Variants in CNIH1 observed in about 807,000 individuals in gnomAD.
CNIH1 encodes the protein cornichon family member 1, also known as protein cornichon homolog 1.
In CNIH1, 12 loss-of-function variants were observed where a neutral mutation model predicts 20.2. That is an observed-to-expected ratio of 0.59 (90% CI 0.38 to 0.96). The LOEUF (loss-of-function observed/expected upper bound fraction) is 0.96. CNIH1 is among the 40% of genes least tolerant of loss of function. The pLI is 0.00. For missense variants in CNIH1, 152 were observed against 178.8 expected, an observed-to-expected ratio of 0.85 and a Z score of 0.85; for synonymous variants, 69 against 63.3, an observed-to-expected ratio of 1.09 and a Z score of -0.43.
intron 4 of CNIH1, chr14:54,430,051 CCTT>C (rs2030903474): frequency 1.9e-6 from 1 of 536,230 alleles, no homozygotes; most frequent in African/African-American, 1.9e-5. Context: ...CCTGACCAAA[CCTT>C]CTGCCTCTGA....
At chr14:54,429,241 G>A (rs1012889454) in intron 4 of CNIH1, among the ~76,000 whole-genome samples, 2 of 152,188 alleles carry the variant, frequency 1.3e-5, no homozygotes, top group African/African-American at 4.8e-5. Context: ...GGGCAATTTT[G>A]CCCCTCAGGA....
Position 54,441,254 on chromosome 14 carries a change from A to G in CNIH1, c.74T>C (p.Ile25Thr). ...CCAGCCCCAGCTACTCACGTGCCAA[A>G]TGGCGAAGAAGATGAGCGCGGCAGT... ...LLTAALIFFAIWHIIAFDELK... is the reference protein window; with the variant it reads ...LLTAALIFFATWHIIAFDELK... The change falls in exon 1 of 5, where the codon ATT becomes ACT. Residue 25 changes from isoleucine (I) to threonine (T), a missense_variant. Ile to Thr is a moderately conservative substitution (Grantham distance 89). Coordinates refer to ENST00000216416, the MANE Select transcript of CNIH1 (RefSeq NM_005776.3). 1 of 1,517,320 alleles carries G rather than the reference A, an allele frequency of 6.6e-7. No individual in the cohort carries two copies. Among genetic ancestry groups the G allele is most frequent in the South Asian group, 1.2e-5 (1 of 80,968 alleles). The allele number at this position is 1,517,320 out of a possible 1,614,324, so 94.0% of individuals were successfully genotyped here.
chr14:54,431,970 C>T, intron 3 of CNIH1, 138 bp downstream of exon 3: 1 of 436,304 alleles, frequency 2.3e-6, no homozygotes, highest in Non-Finnish European at 4.1e-6. Context: ...TTTTGTTCAC[C>T]CACTTGATTT....
Position 54,427,682 on chromosome 14 carries a change from TAAG to T in CNIH1, c.*129_*131del, listed in dbSNP as rs2030852764. 3.4e-6 allele frequency: 3 copies of T among 885,242 alleles called. No individual in the cohort carries two copies. Among genetic ancestry groups the T allele is most frequent in the South Asian group, 1.6e-5 (1 of 63,100 alleles). The allele number at this position is 885,242 out of a possible 1,614,324, so 54.8% of individuals were successfully genotyped here. ...CAAAAATGTGGAAACATTTAAAAAA[TAAG>T]GAGTCATTTTTTAAAGTAACTGATC... is the stretch of plus-strand genomic sequence containing the variant. On this transcript the variant is annotated 3_prime_UTR_variant, in exon 5 of 5. Transcript: ENST00000216416.
Position 54,430,530 on chromosome 14 carries a change from T to A in CNIH1, c.264-126A>T, listed in dbSNP as rs571161898. On this transcript the variant is annotated intron_variant, in intron 3 of 4. Transcript: ENST00000216416. ...ATAAAGGGAAGCATTCTTTTACTTA[T>A]GGGTAAAATGCTTTCCTTTTACCAT... The A allele has an allele frequency of 2.2e-4, 190 of 846,978 alleles. 1 individual carries two copies. In the East Asian group the frequency reaches 4.8e-3, roughly 22 times the overall value. The allele number at this position is 846,978 out of a possible 1,614,324, so 52.5% of individuals were successfully genotyped here. A position where few individuals can be genotyped will look rare whatever the true frequency, so the allele number is the denominator to read the frequency against.
chr14:54,434,225 C>A (rs896386632), intron 2 of CNIH1, among the ~76,000 whole-genome samples: 1 of 152,186 alleles, frequency 6.6e-6, no homozygotes, highest in Admixed American at 6.5e-5. Context: ...TGCTATTCAG[C>A]CAATTATTGG....
At chr14:54,427,886 T>TAA in intron 4 of CNIH1, 45 bp from the exon 5 acceptor site, 1 of 1,578,222 alleles carries the variant, frequency 6.3e-7, no homozygotes, top group Non-Finnish European at 8.7e-7. Flanking sequence ...TACTAATTAT[T>TAA]AAAAAAAAAC....
rs1178621831 is a variant in CNIH1, at chr14:54,427,675, T to C, written c.*139A>G. On this transcript the variant is annotated 3_prime_UTR_variant, in exon 5 of 5. Coordinates refer to ENST00000216416, the MANE Select transcript of CNIH1 (RefSeq NM_005776.3). ...CCACAAGCAAAAATGTGGAAACATT[T>C]AAAAAATAAGGAGTCATTTTTTAAA... 1 of 851,626 alleles carries C rather than the reference T, an allele frequency of 1.2e-6. No individual in the cohort carries two copies. Among genetic ancestry groups the C allele is most frequent in the East Asian group, 2.5e-5 (1 of 40,732 alleles). 52.8% of individuals were successfully genotyped at this position (851,626 alleles called of 1,614,324 possible).
intron 1 of CNIH1, among the ~76,000 whole-genome samples, chr14:54,440,412 G>A (rs1381233377): frequency 1.3e-5 from 2 of 152,160 alleles, no homozygotes; most frequent in African/African-American, 4.8e-5. Context: ...ATGTCACAGG[G>A]AACTTACGAC....
intron 3 of CNIH1, 21 bp from the exon 4 acceptor site, chr14:54,430,425 T>A: frequency 6.3e-7 from 1 of 1,591,954 alleles, no homozygotes; most frequent in Non-Finnish European, 8.6e-7. Flanking sequence ...CACAGTCTAT[T>A]AGGCATTCAG....
intron 1 of CNIH1, among the ~76,000 whole-genome samples, chr14:54,439,359 T>C (rs2031120039): frequency 6.6e-6 from 1 of 152,096 alleles, no homozygotes; most frequent in South Asian, 2.1e-4. Flanking sequence ...AAGCTGAAAT[T>C]ACCCATTTTT....
chr14:54,429,332 G>A lies in CNIH1; in HGVS notation c.407+929C>T, dbSNP rs187209070. Reference sequence around the variant, plus strand: ...CATGGCAACTAGTGGGTAAAGGCCAGGGATGCTGCTGAACGTCCCATGATA... The same window carrying A: ...CATGGCAACTAGTGGGTAAAGGCCAAGGATGCTGCTGAACGTCCCATGATA... On this transcript the variant is annotated intron_variant, in intron 4 of 4. Transcript: ENST00000216416. Among the ~76,000 whole-genome samples the A allele has an allele frequency of 2.6e-5, 4 of 152,310 alleles. No homozygotes were observed. In the East Asian group the frequency reaches 7.7e-4, roughly 29 times the overall value.
intron 1 of CNIH1, among the ~76,000 whole-genome samples, chr14:54,437,759 G>A (rs1235105458): frequency 1.3e-5 from 2 of 151,924 alleles, no homozygotes; most frequent in Non-Finnish European, 2.9e-5. Context: ...ACATACATGT[G>A]TAATTAGAAA....
intron 3 of CNIH1, among the ~76,000 whole-genome samples, chr14:54,431,879 G>A (rs138762119): frequency 2.5e-4 from 38 of 152,200 alleles, no homozygotes; most frequent in Non-Finnish European, 4.3e-4. Flanking sequence ...TCAGACTTGT[G>A]CACAACACTA....
intron 4 of CNIH1, among the ~76,000 whole-genome samples, chr14:54,429,750 C>T (rs778722518): frequency 2.0e-5 from 3 of 151,302 alleles, no homozygotes; most frequent in Non-Finnish European, 2.9e-5. Context: ...ACAGAGACTC[C>T]GACTCAAAAA....
chr14:54,440,052 A>G (rs1310731260), intron 1 of CNIH1, among the ~76,000 whole-genome samples: 1 of 152,234 alleles, frequency 6.6e-6, no homozygotes, highest in East Asian at 1.9e-4. Flanking sequence ...ATAAGCAGTC[A>G]GGTCCTAAAA....
rs1310205551 is a variant in CNIH1 at position 54,426,865 on chromosome 14, CT to C, written c.*948del. On this transcript the variant is annotated 3_prime_UTR_variant, in exon 5 of 5. Transcript: ENST00000216416. ...CTTTTTAAAAATGACAGCAACATGT[CT>C]TTATCATGGATTAAGCAAGTTTAAG... 4.6e-5 allele frequency: 7 copies of C among 152,130 alleles called. No homozygotes were observed. The East Asian group carries it at 1.3e-3, about 29-fold the overall frequency. The allele number at this position is 152,130 out of a possible 1,614,324, so 9.4% of individuals were successfully genotyped here. A position where few individuals can be genotyped will look rare whatever the true frequency, so the allele number is the denominator to read the frequency against.
At chr14:54,434,230 T>A (rs1013231604) in intron 2 of CNIH1, among the ~76,000 whole-genome samples, 8 of 152,182 alleles carry the variant, frequency 5.3e-5, no homozygotes, top group African/African-American at 1.9e-4. Flanking sequence ...TTCAGCCAAT[T>A]ATTGGCACCC....
chr14:54,430,190 A>C, intron 4 of CNIH1, 71 bp downstream of exon 4: 1 of 1,509,444 alleles, frequency 6.6e-7, no homozygotes, highest in Non-Finnish European at 9.1e-7. Context: ...TTGAGGTGTG[A>C]AAACCATAAT....
Sources: gnomAD v4.1 joint callset for allele counts (sites outside exome capture counted in the v4.1 genomes callset) on GRCh38, gnomAD v4.1.1 for gene constraint, MANE v1.5 for transcripts, NCBI Gene and HGNC (gene_info 2026-07-23, HGNC 2026-07-21) for gene names.